Variants in ANKRD44 observed in about 807,000 individuals in gnomAD.
ANKRD44 encodes ankyrin repeat domain 44.
Under a neutral mutation model 116.0 loss-of-function variants are expected in ANKRD44, and 35 were observed. That is an observed-to-expected ratio of 0.30 (90% CI 0.23 to 0.40). The LOEUF (loss-of-function observed/expected upper bound fraction) is 0.40, where lower values mean the gene tolerates loss of function less well. ANKRD44 is among the 10% of genes least tolerant of loss of function. The probability of loss-of-function intolerance (pLI) is 1.00; values close to 1 mark genes in which losing one functional copy is unlikely to be tolerated. For synonymous variants in ANKRD44, 435 were observed against 461.8 expected (o/e 0.94, Z 0.74); for missense variants, 1,014 against 1,242.6 (o/e 0.82, Z 2.77).
In ANKRD44 at chr2:196,988,180, C is replaced by T. The variant is rs73066834; in HGVS notation, c.*1411G>A. The stretch of plus-strand genomic sequence containing the variant: ...TGCTACACGACAGGAAAAATGTTAA[C>T]GCTGCTTTGCCATTAAAGCAAGCAT... On this transcript the variant is annotated 3_prime_UTR_variant, in exon 28 of 28. Transcript: ENST00000282272. 1,326 of 984,722 alleles carry T rather than the reference C, an allele frequency of 1.3e-3. 23 individuals are homozygous for T. In the African/African-American group the frequency reaches 0.022, roughly 16 times the overall value. 61.0% of individuals were successfully genotyped at this position (984,722 alleles called of 1,614,324 possible).
intron 21 of ANKRD44, among the ~76,000 whole-genome samples, chr2:196,972,365 G>T (rs996153417): frequency 1.3e-5 from 2 of 152,058 alleles, no homozygotes; most frequent in African/African-American, 2.4e-5. Flanking sequence ...CACCACGCCC[G>T]GTTAATTTTT....
intron 1 of ANKRD44, among the ~76,000 whole-genome samples, chr2:197,300,149 A>G (rs777999465): frequency 3.3e-5 from 5 of 152,250 alleles, no homozygotes; most frequent in Non-Finnish European, 2.9e-5. Context: ...AAATTCATCA[A>G]TTCAAGTTTT....
intron 21 of ANKRD44, among the ~76,000 whole-genome samples, chr2:196,978,975 C>T (rs953555996): frequency 5.3e-5 from 8 of 151,332 alleles, no homozygotes; most frequent in Non-Finnish European, 1.2e-4. Context: ...ATAGATATAG[C>T]ATAGTCGTAA....
intron 1 of ANKRD44, among the ~76,000 whole-genome samples, chr2:197,222,131 G>C (rs1286615516): frequency 6.6e-6 from 1 of 152,224 alleles, no homozygotes; most frequent in Admixed American, 6.5e-5. Flanking sequence ...AGAGACTGGT[G>C]TCCTAAGGCA....
intron 16 of ANKRD44, among the ~76,000 whole-genome samples, chr2:197,036,197 CTCCAAT>C (rs1297683314): frequency 1.3e-5 from 2 of 152,174 alleles, no homozygotes; most frequent in Non-Finnish European, 2.9e-5. Flanking sequence ...TCTCCCCCGA[CTCCAAT>C]TCCATAAGCA....
At chr2:197,003,435 T>A (rs566633116) in intron 21 of ANKRD44, among the ~76,000 whole-genome samples, 1 of 152,304 alleles carries the variant, frequency 6.6e-6, no homozygotes, top group Non-Finnish European at 1.5e-5. Flanking sequence ...TAGGGTAGCA[T>A]CCACACATAG....
chr2:197,148,008 C>T, intron 2 of ANKRD44: 1 of 326,774 alleles, frequency 3.1e-6, no homozygotes, highest in Non-Finnish European at 6.3e-6. Context: ...TTTGGCAAGG[C>T]ATTGAACAGA....
intron 16 of ANKRD44, among the ~76,000 whole-genome samples, chr2:197,034,443 A>T (rs941072309): frequency 6.7e-6 from 1 of 149,302 alleles, no homozygotes; most frequent in Non-Finnish European, 1.5e-5. Flanking sequence ...GCTCAACTAC[A>T]TTCATAAATC....
chr2:197,182,628 G>A (rs541224567), intron 2 of ANKRD44, among the ~76,000 whole-genome samples: 1 of 152,332 alleles, frequency 6.6e-6, no homozygotes, highest in South Asian at 2.1e-4. Context: ...CTCAGTATAT[G>A]TGGGACATTG....
chr2:197,000,516 G>C lies in ANKRD44; in HGVS notation c.2436-14C>G, dbSNP rs145307768. ...TGATCATTGATTCTAAAATGAAAATGGGTTTTAATGTAACAATCTCACTCT... is the reference window on the plus strand; with the variant it reads ...TGATCATTGATTCTAAAATGAAAATCGGTTTTAATGTAACAATCTCACTCT... On this transcript the variant is annotated splice_polypyrimidine_tract_variant and intron_variant, in intron 22 of 27. Coordinates refer to ENST00000282272, the MANE Select transcript of ANKRD44 (RefSeq NM_001195144.2). 2.7e-5 allele frequency: 44 copies of C among 1,603,752 alleles called. No homozygotes were observed. The African/African-American group carries it at 5.5e-4, about 20-fold the overall frequency.
chr2:197,025,629 C>T (rs191932634), intron 16 of ANKRD44, among the ~76,000 whole-genome samples: 3 of 152,176 alleles, frequency 2.0e-5, no homozygotes, highest in Non-Finnish European at 2.9e-5. Context: ...TTTGGAAAAA[C>T]GAAGCATAGA....
At chr2:197,234,898 G>A (rs572238273) in intron 1 of ANKRD44, among the ~76,000 whole-genome samples, 2 of 152,250 alleles carry the variant, frequency 1.3e-5, no homozygotes, top group African/African-American at 2.4e-5. Context: ...ATGAAAACAG[G>A]GCGAACTCAA....
chr2:197,301,929 G>A (rs755663131), intron 1 of ANKRD44, among the ~76,000 whole-genome samples: 63 of 152,236 alleles, frequency 4.1e-4, no homozygotes, highest in Non-Finnish European at 7.2e-4. Context: ...AAGAAAGGCA[G>A]ACAGGAAATG....
At chr2:197,221,792 G>A (rs573082580) in intron 1 of ANKRD44, among the ~76,000 whole-genome samples, 1 of 152,290 alleles carries the variant, frequency 6.6e-6, no homozygotes, top group Non-Finnish European at 1.5e-5. Flanking sequence ...GATAGACAGG[G>A]GAAGAAATTA....
chr2:197,174,020 G>A (rs1342528855), intron 2 of ANKRD44, among the ~76,000 whole-genome samples: 1 of 152,162 alleles, frequency 6.6e-6, no homozygotes, highest in Admixed American at 6.5e-5. Flanking sequence ...GTGACAGAGT[G>A]AGACTTAGTC....
At chr2:197,133,178 G>A (rs1476246041) in intron 4 of ANKRD44, among the ~76,000 whole-genome samples, 1 of 152,188 alleles carries the variant, frequency 6.6e-6, no homozygotes, top group Non-Finnish European at 1.5e-5. Context: ...TTCAGATCCT[G>A]CTGCATCTCC....
chr2:197,144,176 C>T (rs1281341032), intron 3 of ANKRD44, among the ~76,000 whole-genome samples: 1 of 152,206 alleles, frequency 6.6e-6, no homozygotes, highest in East Asian at 1.9e-4. Flanking sequence ...TCCCTGTCTG[C>T]TCAGAGGCAT....
intron 1 of ANKRD44, among the ~76,000 whole-genome samples, chr2:197,301,917 T>C (rs745320764): frequency 9.9e-5 from 15 of 151,990 alleles, no homozygotes; most frequent in Non-Finnish European, 1.9e-4. Context: ...TGGAGGAAAA[T>C]AAAGAAAGGC....
chr2:196,991,035 A>C, intron 27 of ANKRD44: 1 of 1,022,136 alleles, frequency 9.8e-7, no homozygotes, highest in Non-Finnish European at 1.3e-6. Flanking sequence ...ATGTATGTTG[A>C]GTTAGAAATC....
Sources: allele counts gnomAD v4.1 joint callset (sites outside exome capture counted in the v4.1 genomes callset), GRCh38; gene constraint gnomAD v4.1.1; transcripts MANE v1.5; gene names NCBI Gene and HGNC (gene_info 2026-07-23, HGNC 2026-07-21).